DLGAP2: variants seen among roughly 807,000 people sequenced by gnomAD.
DLGAP2 encodes DLG associated protein 2, also known as disks large-associated protein 2.
Under a neutral mutation model 100.3 loss-of-function variants are expected in DLGAP2, and 26 were observed. The ratio of observed to expected loss-of-function variants is 0.26; its 90% CI spans 0.19 to 0.36. The LOEUF (loss-of-function observed/expected upper bound fraction) is 0.36. DLGAP2 is among the 10% of genes least tolerant of loss of function. The probability of loss-of-function intolerance (pLI) is 1.00; values close to 1 mark genes in which losing one functional copy is unlikely to be tolerated. For missense variants in DLGAP2, 1,858 were observed against 1,453.2 expected, an observed-to-expected ratio of 1.28 and a Z score of -4.53; for synonymous variants, 886 against 630.1, an observed-to-expected ratio of 1.41 and a Z score of -6.08.
At chr8:1,512,542 C>T (rs909503738) in intron 4 of DLGAP2, among the ~76,000 whole-genome samples, 5 of 152,126 alleles carry the variant, frequency 3.3e-5, no homozygotes, top group African/African-American at 4.8e-5. Context: ...GTGTGACTGA[C>T]GCACTCCCCC....
At chr8:1,672,205 TTTG>T (rs376952501) in intron 10 of DLGAP2, among the ~76,000 whole-genome samples, 94 of 150,728 alleles carry the variant, frequency 6.2e-4, no homozygotes, top group African/African-American at 2.2e-3. Flanking sequence ...GATCAGTTTT[TTTG>T]TTGTTGTTTT....
chr8:1,023,065 G>T (rs908703670), intron 2 of DLGAP2, among the ~76,000 whole-genome samples: 1 of 152,258 alleles, frequency 6.6e-6, no homozygotes, highest in African/African-American at 2.4e-5. Flanking sequence ...CACATGCCGT[G>T]TGTGATGCTG....
At chr8:983,474 C>T (rs1006299898) in intron 2 of DLGAP2, among the ~76,000 whole-genome samples, 2 of 152,334 alleles carry the variant, frequency 1.3e-5, no homozygotes, top group East Asian at 3.9e-4. Context: ...CCCTTAGAAT[C>T]CACGTGTTGG....
rs940549400 is a variant in DLGAP2, at chr8:1,706,609, G to A, written c.*5203G>A. The A allele has an allele frequency of 3.9e-5, 6 of 152,188 alleles. No individual in the cohort carries two copies. The highest frequency in any genetic ancestry group is 1.2e-4 in the African/African-American group (5 of 41,440). 9.4% of individuals were successfully genotyped at this position (152,188 alleles called of 1,614,324 possible). On this transcript the variant is annotated 3_prime_UTR_variant, in exon 15 of 15. Coordinates refer to ENST00000637795, the MANE Select transcript of DLGAP2 (RefSeq NM_001346810.2). ...TTCTGGCTTTCAACTGTTTCTAGAT[G>A]CTTCCAAGAACAAGAACCCAGCACC...
chr8:898,901 T>C (rs1025204182), intron 1 of DLGAP2, among the ~76,000 whole-genome samples: 3 of 152,204 alleles, frequency 2.0e-5, no homozygotes, highest in Non-Finnish European at 4.4e-5. Context: ...TCAGAGAATG[T>C]TTCTTGCACC....
intron 2 of DLGAP2, among the ~76,000 whole-genome samples, chr8:1,058,739 T>C (rs1802959956): frequency 6.6e-6 from 1 of 152,196 alleles, no homozygotes; most frequent in Non-Finnish European, 1.5e-5. Flanking sequence ...TTATATTATA[T>C]GGACAAGCTA....
intron 1 of DLGAP2, among the ~76,000 whole-genome samples, chr8:890,923 C>T (rs557777104): frequency 7.9e-5 from 12 of 152,284 alleles, no homozygotes; most frequent in African/African-American, 1.9e-4. Context: ...GTGACCTTCC[C>T]GCCCACCCGG....
At chr8:1,525,800 A>T (rs984489854) in intron 4 of DLGAP2, among the ~76,000 whole-genome samples, 1 of 152,064 alleles carries the variant, frequency 6.6e-6, no homozygotes, top group Non-Finnish European at 1.5e-5. Flanking sequence ...CTTGTGTGAC[A>T]TTGGGTAGTG....
intron 2 of DLGAP2, among the ~76,000 whole-genome samples, chr8:960,828 C>G (rs1454102937): frequency 6.6e-6 from 1 of 152,168 alleles, no homozygotes; most frequent in Non-Finnish European, 1.5e-5. Flanking sequence ...ATAAGTTGAA[C>G]CATTATAAGT....
chr8:1,059,683 A>G (rs1803012477), intron 2 of DLGAP2, among the ~76,000 whole-genome samples: 1 of 152,110 alleles, frequency 6.6e-6, no homozygotes, highest in Admixed American at 6.5e-5. Context: ...TGCTGTGGTC[A>G]GCCTCCTTGG....
chr8:1,032,176 C>G (rs139276037), intron 2 of DLGAP2, among the ~76,000 whole-genome samples: 2 of 152,250 alleles, frequency 1.3e-5, no homozygotes, highest in Non-Finnish European at 2.9e-5. Flanking sequence ...GCGCATCCAT[C>G]GACGCTGGGA....
chr8:863,662 A>G (rs1430757108), intron 1 of DLGAP2, among the ~76,000 whole-genome samples: 2 of 152,220 alleles, frequency 1.3e-5, no homozygotes, highest in Non-Finnish European at 2.9e-5. Flanking sequence ...ATACAAATCA[A>G]AACCACAACG....
chr8:1,670,938 G>A (rs975060148), intron 10 of DLGAP2, among the ~76,000 whole-genome samples: 38 of 152,242 alleles, frequency 2.5e-4, no homozygotes, highest in African/African-American at 8.4e-4. Flanking sequence ...GCTGCAGACG[G>A]CAGCCTTGCC....
intron 4 of DLGAP2, among the ~76,000 whole-genome samples, chr8:1,504,876 T>C (rs1470430216): frequency 2.0e-5 from 3 of 152,180 alleles, no homozygotes; most frequent in Non-Finnish European, 2.9e-5. Context: ...TTTTATTCCC[T>C]TCAGAAAAAT....
chr8:1,093,578 C>G (rs552286765), intron 2 of DLGAP2, among the ~76,000 whole-genome samples: 1 of 151,846 alleles, frequency 6.6e-6, no homozygotes, highest in African/African-American at 2.4e-5. Flanking sequence ...GACAGCCAGA[C>G]AGAAACACCT....
chr8:1,090,703 T>G (rs1804151877), intron 2 of DLGAP2, among the ~76,000 whole-genome samples: 1 of 152,212 alleles, frequency 6.6e-6, no homozygotes, highest in Non-Finnish European at 1.5e-5. Flanking sequence ...GTCTGCTGAC[T>G]CCAGGGCACC....
chr8:1,296,265 G>A (rs941409777), intron 3 of DLGAP2: 8 of 150,018 alleles, frequency 5.3e-5, no homozygotes, highest in Non-Finnish European at 1.0e-4. Context: ...GAATAGATAT[G>A]ACCCTTGTTC....
At chr8:918,140 A>C (rs571241844) in intron 2 of DLGAP2, among the ~76,000 whole-genome samples, 1 of 152,098 alleles carries the variant, frequency 6.6e-6, no homozygotes, top group Non-Finnish European at 1.5e-5. Context: ...CTGGAATCTC[A>C]ACCTCGTCTG....
chr8:1,701,171 C>G lies in DLGAP2; in HGVS notation c.2950-17C>G. 6.4e-7 allele frequency: 1 copy of G among 1,551,016 alleles called. No homozygotes were observed. Among genetic ancestry groups the G allele is most frequent in the Non-Finnish European group, 8.7e-7 (1 of 1,147,874 alleles). On this transcript the variant is annotated splice_polypyrimidine_tract_variant and intron_variant, in intron 14 of 14. Coordinates refer to ENST00000637795, the MANE Select transcript of DLGAP2 (RefSeq NM_001346810.2). ...TCCTCCGAGCACCTGCCAACGGTGA[C>G]TTGCGCTGCTTTTCAGGAAGAAAGA...
Sources: gnomAD v4.1 joint callset for allele counts (sites outside exome capture counted in the v4.1 genomes callset) on GRCh38, gnomAD v4.1.1 for gene constraint, MANE v1.5 for transcripts, NCBI Gene and HGNC (gene_info 2026-07-23, HGNC 2026-07-21) for gene names.